Variants in IGLL5 observed in about 807,000 individuals in gnomAD.
The protein encoded by IGLL5 is immunoglobulin lambda-like polypeptide 5.
A neutral mutation model predicts 20.9 loss-of-function variants in IGLL5; 30 were observed. The observed-to-expected ratio is 1.44, with a 90% confidence interval of 1.07 to 1.95. IGLL5 has a LOEUF of 1.95. Among genes scored for constraint, IGLL5 ranks in the 30% most tolerant of loss-of-function variants. The probability of loss-of-function intolerance (pLI) is 0.00; values close to 1 mark genes in which losing one functional copy is unlikely to be tolerated. For missense variants in IGLL5, 475 were observed against 270.7 expected, an observed-to-expected ratio of 1.75 and a Z score of -5.30; for synonymous variants, 203 against 117.3, an observed-to-expected ratio of 1.73 and a Z score of -4.72.
rs371134269 is a variant in IGLL5 at position 22,893,843 on chromosome 22, G to A, written c.325+25G>A. The A allele has an allele frequency of 1.5e-4, 212 of 1,458,624 alleles. 2 individuals are homozygous for A. In the African/African-American group the frequency reaches 2.6e-3, roughly 18 times the overall value. 90.4% of individuals were successfully genotyped at this position (1,458,624 alleles called of 1,614,324 possible). On this transcript the variant is annotated intron_variant, in intron 2 of 2. Coordinates refer to ENST00000526893, the MANE Select transcript of IGLL5 (RefSeq NM_001178126.2). ...GGTAAGTGGCTCTCAACCTTTCCCAGCCTGTCTCACCCTCTGCTGTCCCTG... is the reference window on the plus strand; with the variant it reads ...GGTAAGTGGCTCTCAACCTTTCCCAACCTGTCTCACCCTCTGCTGTCCCTG...
At chr22:22,889,447 T>G (rs151009823) in intron 1 of IGLL5, among the ~76,000 whole-genome samples, 1 of 151,208 alleles carries the variant, frequency 6.6e-6, no homozygotes, top group South Asian at 2.1e-4. Flanking sequence ...TCCTAAGGGT[T>G]GGTTGGGGGA....
intron 1 of IGLL5, among the ~76,000 whole-genome samples, chr22:22,889,033 T>C (rs2067677940): frequency 4.0e-5 from 6 of 151,346 alleles, no homozygotes; most frequent in South Asian, 2.1e-4. Context: ...ATAGGGTCCG[T>C]GCACCATTCC....
intron 1 of IGLL5, among the ~76,000 whole-genome samples, chr22:22,889,624 G>C (rs1412430882): frequency 1.3e-5 from 2 of 151,236 alleles, no homozygotes; most frequent in East Asian, 2.0e-4. Context: ...GTCTTGATCT[G>C]TTGCTCAGGC....
intron 2 of IGLL5, among the ~76,000 whole-genome samples, chr22:22,894,024 T>A (rs2067969520): frequency 3.3e-5 from 5 of 151,494 alleles, no homozygotes; most frequent in South Asian, 2.1e-4. Flanking sequence ...GGATGCAGCC[T>A]GGTCCCGGGG....
At position 22,895,556 on chromosome 22, in the gene IGLL5, G is replaced by T. The variant is rs370560112; in HGVS notation, c.507G>T (p.Gln169His). 1 of 1,613,058 alleles carries T rather than the reference G, an allele frequency of 6.2e-7. No homozygotes were observed. The highest frequency in any genetic ancestry group is 2.2e-5 in the East Asian group (1 of 44,682). Residue 169 changes from glutamine (Q) to histidine (H), a missense_variant, in exon 3 of 3, where the codon CAG becomes CAT. Gln to His is a conservative substitution (Grantham distance 24). Coordinates refer to ENST00000526893, the MANE Select transcript of IGLL5 (RefSeq NM_001178126.2). ...TGGAGACCACCAAACCCTCCAAACA[G>T]AGCAACAACAAGTACGCGGCCAGCA... Reference protein sequence around the residue: ...AGVETTKPSKQSNNKYAASSY... With the variant: ...AGVETTKPSKHSNNKYAASSY...
In IGLL5 at chr22:22,894,209, C is replaced by T. The variant is rs1356971929; in HGVS notation, c.325+391C>T. On this transcript the variant is annotated intron_variant, in intron 2 of 2. Coordinates refer to ENST00000526893, the MANE Select transcript of IGLL5 (RefSeq NM_001178126.2). ...GGGGTGGGCCTGGGAGCTGCTGAGT[C>T]TCATAGTCTAGGGGAGCAGCCCCAA... Among the ~76,000 whole-genome samples, 5 of 151,346 alleles carry T rather than the reference C, an allele frequency of 3.3e-5. No homozygotes were observed. In the East Asian group the frequency reaches 6.1e-4, roughly 18 times the overall value.
chr22:22,888,349 A>C (rs542216101), intron 1 of IGLL5, 90 bp downstream of exon 1: 3 of 1,259,410 alleles, frequency 2.4e-6, no homozygotes, highest in East Asian at 2.6e-5. Flanking sequence ...AGGAGTGAGG[A>C]GGAAGGTTAA....
intron 2 of IGLL5, 51 bp downstream of exon 2, chr22:22,893,869 G>C (rs555210623): frequency 1.2e-5 from 15 of 1,277,482 alleles, no homozygotes; most frequent in East Asian, 6.9e-5. Flanking sequence ...GCTGTCCCTG[G>C]AAAATCTGTT....
intron 2 of IGLL5, 118 bp downstream of exon 2, chr22:22,893,936 CCTTT>C (rs2067952412): frequency 1.3e-6 from 1 of 777,762 alleles, no homozygotes; most frequent in Non-Finnish European, 2.3e-6. Context: ...CTGACCCTTA[CCTTT>C]CTCCATGGGG....
rs1212789617 is a variant in IGLL5, at chr22:22,888,092, T to C, written c.39T>C (p.Pro13=). Residue 13 remains proline (P), a synonymous_variant, in exon 1 of 3, where the codon CCT becomes CCC. Coordinates refer to ENST00000526893, the MANE Select transcript of IGLL5 (RefSeq NM_001178126.2). ...CAGGCCAAGTGGGTTGTGAGACCCC[T>C]GAGGAGCTGGGCCCTGGTCCCAGGC... is the stretch of plus-strand genomic sequence containing the variant. ...PKTGQVGCET[P]EELGPGPRQR... is the part of the protein sequence containing the mutation. The C allele has an allele frequency of 1.9e-6, 3 of 1,549,346 alleles. No individual in the cohort carries two copies. Among genetic ancestry groups the C allele is most frequent in the East Asian group, 2.5e-5 (1 of 40,662 alleles).
intron 1 of IGLL5, among the ~76,000 whole-genome samples, chr22:22,889,296 T>A (rs1601607395): frequency 1.3e-5 from 2 of 150,854 alleles, no homozygotes; most frequent in South Asian, 2.1e-4. Flanking sequence ...GAAGTTGAAG[T>A]GAGGGCTGAG....
Position 22,895,538 on chromosome 22 carries a change from C to G in IGLL5, c.489C>G (p.Thr163=), listed in dbSNP as rs745869786. Residue 163 remains threonine, a synonymous_variant, in exon 3 of 3, where the codon ACC becomes ACG. Coordinates refer to ENST00000526893, the MANE Select transcript of IGLL5 (RefSeq NM_001178126.2). ...GCCCCGTCAAGGCGGGAGTGGAGAC[C>G]ACCAAACCCTCCAAACAGAGCAACA... ...DGSPVKAGVE[T]TKPSKQSNNK... The G allele has an allele frequency of 3.1e-6, 5 of 1,612,840 alleles. No homozygotes were observed. In the South Asian group the frequency reaches 3.3e-5, roughly 11 times the overall value.
chr22:22,891,904 CGTGT>C (rs370440912), intron 1 of IGLL5, among the ~76,000 whole-genome samples: 1 of 149,992 alleles, frequency 6.7e-6, no homozygotes, highest in South Asian at 2.1e-4. Context: ...GCTGATTCTC[CGTGT>C]GTGTGTGTGT....
At position 22,888,733 on chromosome 22, in the gene IGLL5, G is replaced by T. The variant is rs1343786413; in HGVS notation, c.206+474G>T. On this transcript the variant is annotated intron_variant, in intron 1 of 2. Transcript: ENST00000526893. ...GGTTTGGTCTCCCCCAAGGCTGTCTGTTCACCAACTTGCACATAAATGCTT... is the reference window on the plus strand; with the variant it reads ...GGTTTGGTCTCCCCCAAGGCTGTCTTTTCACCAACTTGCACATAAATGCTT... Among the ~76,000 whole-genome samples the T allele has an allele frequency of 2.0e-5, 3 of 151,302 alleles. 1 individual carries two copies. Among genetic ancestry groups the T allele is most frequent in the Non-Finnish European group, 2.9e-5 (2 of 67,870 alleles).
chr22:22,894,879 A>G (rs1318060436), intron 2 of IGLL5, among the ~76,000 whole-genome samples: 3 of 151,436 alleles, frequency 2.0e-5, no homozygotes, highest in South Asian at 4.2e-4. Context: ...TGTGAGGGAT[A>G]GGAAGCTCCA....
intron 1 of IGLL5, among the ~76,000 whole-genome samples, chr22:22,888,666 G>T (rs770026416): frequency 7.9e-5 from 12 of 151,246 alleles, no homozygotes; most frequent in Non-Finnish European, 1.0e-4. Flanking sequence ...CTCCTGCCCA[G>T]TGAGGGCAGG....
At chr22:22,894,021 G>C (rs573769725) in intron 2 of IGLL5, among the ~76,000 whole-genome samples, 2 of 151,542 alleles carry the variant, frequency 1.3e-5, no homozygotes, top group Admixed American at 6.6e-5. Flanking sequence ...GCCGGATGCA[G>C]CCTGGTCCCG....
chr22:22,889,043 C>G (rs1455310216), intron 1 of IGLL5, among the ~76,000 whole-genome samples: 3 of 151,328 alleles, frequency 2.0e-5, no homozygotes, highest in African/African-American at 4.8e-5. Context: ...TGCACCATTC[C>G]CAGTCCAGGA....
intron 2 of IGLL5, 110 bp downstream of exon 2, chr22:22,893,928 G>T (rs2067950127): frequency 2.5e-6 from 2 of 806,268 alleles, no homozygotes; most frequent in African/African-American, 1.7e-5. Context: ...CTTAAGCACT[G>T]ACCCTTACCT....
Sources: allele counts gnomAD v4.1 joint callset (sites outside exome capture counted in the v4.1 genomes callset), GRCh38; gene constraint gnomAD v4.1.1; transcripts MANE v1.5; gene names NCBI Gene and HGNC (gene_info 2026-07-23, HGNC 2026-07-21).